GRM5: variants seen among roughly 807,000 people sequenced by gnomAD.
GRM5 encodes metabotropic glutamate receptor 5.
A neutral mutation model predicts 83.1 loss-of-function variants in GRM5; 19 were observed. That is an observed-to-expected ratio of 0.23 (90% CI 0.16 to 0.34). The LOEUF (loss-of-function observed/expected upper bound fraction) is 0.34. Ranked by LOEUF, GRM5 falls within the 10% of genes least tolerant of loss-of-function variation. The pLI, the probability that GRM5 is intolerant of heterozygous loss-of-function variation, is 1.00. For synonymous variants in GRM5, 675 were observed against 633.6 expected, an observed-to-expected ratio of 1.07 and a Z score of -0.98; for missense variants, 1,160 against 1,588.3, an observed-to-expected ratio of 0.73 and a Z score of 4.58.
chr11:88,858,848 G>C (rs1944516629), intron 2 of GRM5, among the ~76,000 whole-genome samples: 1 of 152,048 alleles, frequency 6.6e-6, no homozygotes, highest in Admixed American at 6.6e-5. Context: ...TTCTGGCTAA[G>C]AGAATAGAAG....
intron 2 of GRM5, among the ~76,000 whole-genome samples, chr11:88,875,566 T>C (rs984779020): frequency 5.9e-5 from 9 of 152,054 alleles, no homozygotes; most frequent in African/African-American, 2.2e-4. Flanking sequence ...TTGAATCCTT[T>C]CCCAGAGATT....
intron 6 of GRM5, among the ~76,000 whole-genome samples, chr11:88,596,003 T>G (rs943869888): frequency 2.4e-5 from 3 of 124,370 alleles, no homozygotes; most frequent in African/African-American, 8.5e-5. Context: ...AGCTTTATTT[T>G]TCATTGCTCT....
chr11:88,635,225 T>C (rs1367516506), intron 4 of GRM5, among the ~76,000 whole-genome samples: 7 of 152,168 alleles, frequency 4.6e-5, no homozygotes, highest in Admixed American at 3.3e-4. Context: ...AGTTTTATTT[T>C]TAATATTTTT....
At chr11:88,943,876 T>A (rs1277044118) in intron 2 of GRM5, among the ~76,000 whole-genome samples, 1 of 152,054 alleles carries the variant, frequency 6.6e-6, no homozygotes, top group African/African-American at 2.4e-5. Context: ...TCACTACATG[T>A]TCAACCAACC....
chr11:88,808,195 C>T (rs1304761320), intron 3 of GRM5, among the ~76,000 whole-genome samples: 1 of 151,948 alleles, frequency 6.6e-6, no homozygotes, highest in Non-Finnish European at 1.5e-5. Context: ...AGCCTTGTTA[C>T]TTGCTATCTC....
chr11:88,633,452 C>T (rs1031095717), intron 4 of GRM5, among the ~76,000 whole-genome samples: 1 of 152,072 alleles, frequency 6.6e-6, no homozygotes, highest in East Asian at 1.9e-4. Flanking sequence ...AATGGGTTTT[C>T]ATGTTTTCTT....
At chr11:88,872,967 C>T (rs1423964141) in intron 2 of GRM5, among the ~76,000 whole-genome samples, 1 of 144,062 alleles carries the variant, frequency 6.9e-6, no homozygotes, top group African/African-American at 2.5e-5. Context: ...ATACAAGAAA[C>T]TCATTTCATC....
At chr11:88,716,680 G>A (rs1272889360) in intron 3 of GRM5, among the ~76,000 whole-genome samples, 1 of 151,886 alleles carries the variant, frequency 6.6e-6, no homozygotes, top group Non-Finnish European at 1.5e-5. Flanking sequence ...ACCATTTAAT[G>A]CTTAAATTTA....
chr11:88,558,620 G>A (rs1156915709), intron 8 of GRM5, among the ~76,000 whole-genome samples: 2 of 151,710 alleles, frequency 1.3e-5, no homozygotes, highest in African/African-American at 4.8e-5. Flanking sequence ...TGGACAACAT[G>A]GTGAAACCCC....
At chr11:88,576,232 T>C (rs1286031959) in intron 7 of GRM5, among the ~76,000 whole-genome samples, 1 of 152,202 alleles carries the variant, frequency 6.6e-6, no homozygotes, top group Non-Finnish European at 1.5e-5. Context: ...CAGATTCTCC[T>C]TGATGAGTAT....
chr11:89,025,086 T>C (rs1413003177), intron 2 of GRM5, among the ~76,000 whole-genome samples: 1 of 152,246 alleles, frequency 6.6e-6, no homozygotes, highest in African/African-American at 2.4e-5. Context: ...CACGTTATAC[T>C]GGCTTCATTT....
chr11:88,990,747 G>A (rs376092107), intron 2 of GRM5, among the ~76,000 whole-genome samples: 6 of 151,434 alleles, frequency 4.0e-5, no homozygotes, highest in Non-Finnish European at 8.8e-5. Context: ...TATAAACAGA[G>A]CCAAAGACAA....
chr11:88,993,329 C>G (rs923437551), intron 2 of GRM5, among the ~76,000 whole-genome samples: 5 of 148,690 alleles, frequency 3.4e-5, no homozygotes, highest in Non-Finnish European at 7.4e-5. Flanking sequence ...ATCCATTTTT[C>G]CCAGTGGCAG....
At chr11:88,540,863 C>T (rs1942249170) in intron 8 of GRM5, among the ~76,000 whole-genome samples, 1 of 152,110 alleles carries the variant, frequency 6.6e-6, no homozygotes, top group South Asian at 2.1e-4. Flanking sequence ...TCTCCTGCCT[C>T]AGCCTCCTGA....
chr11:89,050,814 T>C (rs189944032), intron 1 of GRM5, among the ~76,000 whole-genome samples: 20 of 152,268 alleles, frequency 1.3e-4, no homozygotes, highest in Non-Finnish European at 2.1e-4. Flanking sequence ...TGGACATGGA[T>C]GGAGCTGGAG....
intron 2 of GRM5, among the ~76,000 whole-genome samples, chr11:88,932,949 C>G (rs1937762184): frequency 6.6e-6 from 1 of 151,844 alleles, no homozygotes; most frequent in Non-Finnish European, 1.5e-5. Context: ...CTCCTTGACC[C>G]ACATATCTCT....
intron 7 of GRM5, among the ~76,000 whole-genome samples, chr11:88,586,046 A>G (rs558505748): frequency 1.3e-5 from 2 of 152,126 alleles, no homozygotes; most frequent in South Asian, 2.1e-4. Flanking sequence ...ACATCATTTT[A>G]ATGATTTTTA....
intron 2 of GRM5, among the ~76,000 whole-genome samples, chr11:88,857,432 C>T (rs1272049935): frequency 6.6e-6 from 1 of 152,066 alleles, no homozygotes; most frequent in Non-Finnish European, 1.5e-5. Flanking sequence ...GTCTCCACTT[C>T]GTGTCCTTTA....
At chr11:88,847,598 A>G (rs1944321312) in intron 3 of GRM5, among the ~76,000 whole-genome samples, 1 of 152,186 alleles carries the variant, frequency 6.6e-6, no homozygotes, top group East Asian at 1.9e-4. Flanking sequence ...TTAAAGAAAA[A>G]AAAACATGGG....
Sources: allele counts gnomAD v4.1 joint callset (sites outside exome capture counted in the v4.1 genomes callset), GRCh38; gene constraint gnomAD v4.1.1; transcripts MANE v1.5; gene names NCBI Gene and HGNC (gene_info 2026-07-23, HGNC 2026-07-21).